XRCC4: variants seen among roughly 807,000 people sequenced by gnomAD.
XRCC4 encodes DNA repair protein XRCC4.
Under a neutral mutation model 39.1 loss-of-function variants are expected in XRCC4, and 28 were observed. That is an observed-to-expected ratio of 0.72 (90% CI 0.53 to 0.98). The LOEUF (loss-of-function observed/expected upper bound fraction) is 0.98. Ranked by LOEUF, XRCC4 falls within the 50% of genes least tolerant of loss-of-function variation. The probability of loss-of-function intolerance (pLI) is 0.00; values close to 1 mark genes in which losing one functional copy is unlikely to be tolerated. For missense variants in XRCC4, 350 were observed against 376.4 expected (o/e 0.93, Z 0.58); for synonymous variants, 123 against 126.4 (o/e 0.97, Z 0.18).
intron 2 of XRCC4, among the ~76,000 whole-genome samples, chr5:83,109,883 TA>T (rs1321476732): frequency 2.6e-5 from 4 of 151,952 alleles, no homozygotes; most frequent in South Asian, 2.1e-4. Flanking sequence ...AATAATCTTT[TA>T]AAAAAACTAC....
chr5:83,203,775 A>C, intron 5 of XRCC4, 68 bp downstream of exon 5: 2 of 1,570,714 alleles, frequency 1.3e-6, no homozygotes, highest in Non-Finnish European at 1.7e-6. Context: ...CCCAAAGTTA[A>C]TGAACATTAG....
chr5:83,336,726 G>A (rs767613104), intron 7 of XRCC4, among the ~76,000 whole-genome samples: 1 of 152,154 alleles, frequency 6.6e-6, no homozygotes, highest in African/African-American at 2.4e-5. Context: ...GTGAGTGTAC[G>A]TGTGCTTAGA....
chr5:83,334,915 T>C (rs1246179796), intron 7 of XRCC4, among the ~76,000 whole-genome samples: 1 of 151,982 alleles, frequency 6.6e-6, no homozygotes, highest in Non-Finnish European at 1.5e-5. Context: ...ATTCATTATT[T>C]GTTTTTAACC....
At chr5:83,224,890 A>G (rs576221509) in intron 6 of XRCC4, among the ~76,000 whole-genome samples, 2 of 152,186 alleles carry the variant, frequency 1.3e-5, no homozygotes, top group African/African-American at 2.4e-5. Flanking sequence ...TGCCACTTCT[A>G]TGAGCATCTT....
rs577184993 is a variant in XRCC4, at chr5:83,218,801, T to C, written c.745+13880T>C. On this transcript the variant is annotated intron_variant, in intron 6 of 7. Transcript: ENST00000396027. Reference sequence around the variant, plus strand: ...TGCCTCAAGTTGAGTTCTTAACTTGTGGTTTTTAAGAAGTGTTTAGTGAAA... The same window carrying C: ...TGCCTCAAGTTGAGTTCTTAACTTGCGGTTTTTAAGAAGTGTTTAGTGAAA... Among the ~76,000 whole-genome samples, 8 of 152,234 alleles carry C rather than the reference T, an allele frequency of 5.3e-5. No homozygotes were observed. In the East Asian group the frequency reaches 1.4e-3, roughly 26 times the overall value.
At chr5:83,227,943 C>A (rs1380435340) in intron 6 of XRCC4, among the ~76,000 whole-genome samples, 1 of 151,956 alleles carries the variant, frequency 6.6e-6, no homozygotes, top group Non-Finnish European at 1.5e-5. Context: ...TCAGTGACTT[C>A]CTTAGACAAA....
chr5:83,325,300 T>C (rs1756214848), intron 7 of XRCC4, among the ~76,000 whole-genome samples: 1 of 152,146 alleles, frequency 6.6e-6, no homozygotes, highest in South Asian at 2.1e-4. Context: ...TTTTTTCTTT[T>C]TTCCTATAAG....
chr5:83,275,464 T>G (rs1448460166), intron 7 of XRCC4, among the ~76,000 whole-genome samples: 1 of 151,684 alleles, frequency 6.6e-6, no homozygotes, highest in Admixed American at 6.6e-5. Context: ...CCGGCTAATT[T>G]TTTTGTATTT....
At chr5:83,240,251 A>G (rs559418312) in intron 6 of XRCC4, among the ~76,000 whole-genome samples, 164 of 152,314 alleles carry the variant, frequency 1.1e-3, no homozygotes, top group Non-Finnish European at 1.9e-3. Flanking sequence ...ACTGACTCAG[A>G]GTTTATGTGG....
intron 1 of XRCC4, among the ~76,000 whole-genome samples, chr5:83,088,081 CCTT>C (rs1401788826): frequency 1.3e-5 from 2 of 152,060 alleles, no homozygotes; most frequent in African/African-American, 2.4e-5. Context: ...CTCAGGCAAA[CCTT>C]CTCTTATACC....
At chr5:83,330,932 G>A (rs116274502) in intron 7 of XRCC4, among the ~76,000 whole-genome samples, 4 of 151,976 alleles carry the variant, frequency 2.6e-5, no homozygotes, top group Non-Finnish European at 4.4e-5. Context: ...GAAAACCCTG[G>A]GACTGAAAAA....
chr5:83,122,581 G>C (rs553960113), intron 3 of XRCC4, among the ~76,000 whole-genome samples: 10 of 152,192 alleles, frequency 6.6e-5, no homozygotes, highest in East Asian at 3.9e-4. Context: ...TCAAATTATA[G>C]ATCTTATGCA....
chr5:83,189,995 C>T (rs1046753681), intron 3 of XRCC4, among the ~76,000 whole-genome samples: 16 of 152,082 alleles, frequency 1.1e-4, no homozygotes, highest in African/African-American at 2.2e-4. Context: ...ACCCAGGAGG[C>T]GGAGCTTGCA....
At chr5:83,371,986 C>T in the XRCC4 span, among the ~76,000 whole-genome samples, 1 of 152,190 alleles carries the variant, frequency 6.6e-6, no homozygotes, top group South Asian at 2.1e-4. Flanking sequence ...TGTTGCTTAG[C>T]TCTGCTTTGT....
At chr5:83,270,239 C>T (rs1754093640) in intron 7 of XRCC4, among the ~76,000 whole-genome samples, 1 of 152,128 alleles carries the variant, frequency 6.6e-6, no homozygotes, top group Admixed American at 6.5e-5. Context: ...AGCTTACTTA[C>T]TCACCCACCA....
intron 7 of XRCC4, among the ~76,000 whole-genome samples, chr5:83,331,716 G>T (rs1354216659): frequency 6.6e-6 from 1 of 152,004 alleles, no homozygotes; most frequent in Non-Finnish European, 1.5e-5. Context: ...ATTTCCTGTT[G>T]AAATAAAATT....
intron 3 of XRCC4, among the ~76,000 whole-genome samples, chr5:83,111,850 A>G (rs941255950): frequency 2.0e-5 from 3 of 152,072 alleles, no homozygotes; most frequent in Non-Finnish European, 4.4e-5. Flanking sequence ...ATAGATACTG[A>G]ATTTGTTTTT....
chr5:83,256,532 C>T lies in XRCC4; in HGVS notation c.746-1998C>T, dbSNP rs947857569. ...AATCTATAACTGAAATGTCCTCTACCTCTAACAGTTTTGCTAGTTTTGTTC... is the reference window on the plus strand; with the variant it reads ...AATCTATAACTGAAATGTCCTCTACTTCTAACAGTTTTGCTAGTTTTGTTC... On this transcript the variant is annotated intron_variant, in intron 6 of 7. Coordinates refer to ENST00000396027, the MANE Select transcript of XRCC4 (RefSeq NM_003401.5). 2.0e-5 allele frequency among the ~76,000 whole-genome samples: 3 copies of T among 151,768 alleles called. No homozygotes were observed. In the South Asian group the frequency reaches 6.2e-4, roughly 31 times the overall value.
At chr5:83,195,184 T>C (rs1750887520) in intron 3 of XRCC4, among the ~76,000 whole-genome samples, 1 of 152,160 alleles carries the variant, frequency 6.6e-6, no homozygotes, top group Admixed American at 6.5e-5. Context: ...TAAGGTATTT[T>C]TAAGATTCTT....
Sources: gnomAD v4.1 joint callset for allele counts (sites outside exome capture counted in the v4.1 genomes callset) on GRCh38, gnomAD v4.1.1 for gene constraint, MANE v1.5 for transcripts, NCBI Gene and HGNC (gene_info 2026-07-23, HGNC 2026-07-21) for gene names.